The following KCND2 variants were observed in gnomAD, a reference collection of about 807,000 sequenced individuals.
The protein encoded by KCND2 is potassium voltage-gated channel subfamily D member 2, also known as A-type voltage-gated potassium channel KCND2.
In KCND2, 16 loss-of-function variants were observed where a neutral mutation model predicts 54.4. That is an observed-to-expected ratio of 0.29 (90% CI 0.20 to 0.45). The LOEUF (loss-of-function observed/expected upper bound fraction) is 0.45, where lower values mean the gene tolerates loss of function less well. KCND2 is among the 20% of genes least tolerant of loss of function. KCND2 has a pLI of 1.00. For missense variants in KCND2, 486 were observed against 824.2 expected (o/e 0.59, Z 5.02); for synonymous variants, 317 against 310.7 (o/e 1.02, Z -0.21).
intron 1 of KCND2, among the ~76,000 whole-genome samples, chr7:120,318,523 G>A (rs1355822188): frequency 6.6e-6 from 1 of 152,026 alleles, no homozygotes; most frequent in Non-Finnish European, 1.5e-5. Context: ...CAACACTTAT[G>A]TGTTTGGCAA....
chr7:120,437,322 C>T (rs888519007), intron 1 of KCND2, among the ~76,000 whole-genome samples: 1 of 151,338 alleles, frequency 6.6e-6, no homozygotes, highest in Non-Finnish European at 1.5e-5. Flanking sequence ...CCTGCCTCAG[C>T]CTCCGGAGTA....
At chr7:120,499,104 A>G (rs534210592) in intron 1 of KCND2, among the ~76,000 whole-genome samples, 1 of 152,238 alleles carries the variant, frequency 6.6e-6, no homozygotes, top group Non-Finnish European at 1.5e-5. Flanking sequence ...TGTATTATAA[A>G]TTATATTCTA....
At chr7:120,739,359 T>C (rs1002513452) in intron 2 of KCND2, among the ~76,000 whole-genome samples, 1 of 152,058 alleles carries the variant, frequency 6.6e-6, no homozygotes, top group Non-Finnish European at 1.5e-5. Context: ...TGCTTATTTC[T>C]GAATTATTAA....
intron 1 of KCND2, among the ~76,000 whole-genome samples, chr7:120,714,345 G>T (rs1353967389): frequency 1.3e-5 from 2 of 151,942 alleles, no homozygotes; most frequent in African/African-American, 4.8e-5. Context: ...CTATCTGATT[G>T]TGCAAGTAAA....
intron 1 of KCND2, among the ~76,000 whole-genome samples, chr7:120,559,639 G>T (rs1792209469): frequency 1.3e-5 from 2 of 152,252 alleles, no homozygotes; most frequent in South Asian, 4.2e-4. Context: ...TACTCAGGAG[G>T]AAATGAAACA....
intron 1 of KCND2, among the ~76,000 whole-genome samples, chr7:120,705,593 G>T (rs1232763859): frequency 3.9e-5 from 6 of 152,034 alleles, no homozygotes; most frequent in Non-Finnish European, 8.8e-5. Flanking sequence ...AACTGAGCGG[G>T]CATTCAATCA....
chr7:120,414,552 T>C (rs1214577291), intron 1 of KCND2, among the ~76,000 whole-genome samples: 1 of 152,156 alleles, frequency 6.6e-6, no homozygotes, highest in Non-Finnish European at 1.5e-5. Context: ...TTTGATCTTA[T>C]CTCTCATAAG....
intron 1 of KCND2, among the ~76,000 whole-genome samples, chr7:120,676,666 G>C (rs1289694862): frequency 6.6e-6 from 1 of 152,170 alleles, no homozygotes; most frequent in Non-Finnish European, 1.5e-5. Context: ...GAGTTATGAA[G>C]TGAACAAAAG....
At position 120,541,344 on chromosome 7, in the gene KCND2, T is replaced by TA. The variant is rs760339877; in HGVS notation, c.1116-191552dup. Among the ~76,000 whole-genome samples the TA allele has an allele frequency of 7.8e-4, 119 of 152,130 alleles. 1 individual carries two copies. The Middle Eastern group carries it at 0.014, about 17-fold the overall frequency. ...AGAAACAACACTGGGAAAGCTTTAT[T>TA]AAAAAAAGAGGTGCTCTGATTGACT... On this transcript the variant is annotated intron_variant, in intron 1 of 5. Transcript: ENST00000331113.
intron 1 of KCND2, among the ~76,000 whole-genome samples, chr7:120,479,938 G>A (rs1802581407): frequency 7.0e-6 from 1 of 143,686 alleles, no homozygotes; most frequent in South Asian, 2.2e-4. Context: ...CTGCACTCCA[G>A]CCTGGGTGAC....
At chr7:120,615,495 A>T (rs1160982527) in intron 1 of KCND2, among the ~76,000 whole-genome samples, 1 of 152,190 alleles carries the variant, frequency 6.6e-6, no homozygotes, top group African/African-American at 2.4e-5. Context: ...AAATGGCAAG[A>T]AACATTCTTC....
chr7:120,274,215 G>T lies in KCND2; in HGVS notation c.-418G>T. 4.7e-6 allele frequency: 1 copy of T among 212,240 alleles called. No homozygotes were observed. Among genetic ancestry groups the T allele is most frequent in the Non-Finnish European group, 9.5e-6 (1 of 104,818 alleles). 13.1% of individuals were successfully genotyped at this position (212,240 alleles called of 1,614,324 possible). Reference sequence around the variant, plus strand: ...CTAATTCGTCGAAAGAATTCTATTGGGTGACTCTCGTTCGTCTTCTCTATC... The same window carrying T: ...CTAATTCGTCGAAAGAATTCTATTGTGTGACTCTCGTTCGTCTTCTCTATC... On this transcript the variant is annotated 5_prime_UTR_variant, in exon 1 of 6. Transcript: ENST00000331113.
chr7:120,277,974 A>G (rs1180454680), intron 1 of KCND2, among the ~76,000 whole-genome samples: 1 of 151,968 alleles, frequency 6.6e-6, no homozygotes, highest in Non-Finnish European at 1.5e-5. Flanking sequence ...TTAAAGACTT[A>G]GCTTCACTGA....
At chr7:120,515,226 C>T (rs1305524589) in intron 1 of KCND2, among the ~76,000 whole-genome samples, 1 of 152,016 alleles carries the variant, frequency 6.6e-6, no homozygotes, top group Non-Finnish European at 1.5e-5. Context: ...CTTTTCTCAC[C>T]TTCACTGTCA....
intron 1 of KCND2, among the ~76,000 whole-genome samples, chr7:120,432,235 A>G (rs953630813): frequency 3.9e-5 from 6 of 152,204 alleles, no homozygotes; most frequent in African/African-American, 1.4e-4. Context: ...CCCTCAAGAC[A>G]TATTCTAGTG....
chr7:120,604,792 ATCTT>A (rs1792861014), intron 1 of KCND2, among the ~76,000 whole-genome samples: 1 of 152,072 alleles, frequency 6.6e-6, no homozygotes, highest in Non-Finnish European at 1.5e-5. Context: ...ATGGTGCATC[ATCTT>A]TCATGTAAGA....
At chr7:120,323,047 G>A (rs942049936) in intron 1 of KCND2, among the ~76,000 whole-genome samples, 1 of 152,044 alleles carries the variant, frequency 6.6e-6, no homozygotes, top group African/African-American at 2.4e-5. Context: ...TGTTACATAG[G>A]TATACATGTG....
rs186266917 is a variant in KCND2 at position 120,627,938 on chromosome 7, G to A, written c.1116-104965G>A. On this transcript the variant is annotated intron_variant, in intron 1 of 5. Transcript: ENST00000331113. ...ATTTGCTGTTACCATCACCTTGGCT[G>A]GGCGGGCCTTAAGGAGTCTAATATT... Among the ~76,000 whole-genome samples, 456 of 152,036 alleles carry A rather than the reference G, an allele frequency of 3.0e-3. 2 individuals carry two copies. The highest frequency in any genetic ancestry group is 0.01 in the African/African-American group (420 of 41,510).
At chr7:120,531,332 C>A (rs1356017616) in intron 1 of KCND2, among the ~76,000 whole-genome samples, 2 of 152,016 alleles carry the variant, frequency 1.3e-5, no homozygotes, top group African/African-American at 4.8e-5. Context: ...CTGCCTTTAC[C>A]CATGCACTTC....
Sources: gnomAD v4.1 joint callset for allele counts (sites outside exome capture counted in the v4.1 genomes callset) on GRCh38, gnomAD v4.1.1 for gene constraint, MANE v1.5 for transcripts, NCBI Gene and HGNC (gene_info 2026-07-23, HGNC 2026-07-21) for gene names.